OGG1: variants seen among roughly 807,000 people sequenced by gnomAD.
The protein encoded by OGG1 is N-glycosylase/DNA lyase.
OGG1 carries 35 observed loss-of-function variants against 42.3 expected under a neutral mutation model. The observed-to-expected ratio is 0.83, with a 90% CI of 0.63 to 1.10. The LOEUF (loss-of-function observed/expected upper bound fraction) is 1.10, where lower values mean the gene tolerates loss of function less well. Among genes scored for constraint, OGG1 ranks in the 50% least tolerant of loss-of-function variants. OGG1 has a pLI of 0.00. For synonymous variants in OGG1, 189 were observed against 179.0 expected (o/e 1.06, Z -0.44); for missense variants, 484 against 446.7 (o/e 1.08, Z -0.75).
intron 2 of OGG1, among the ~76,000 whole-genome samples, chr3:9,775,639 C>T (rs1004186724): frequency 6.6e-6 from 1 of 151,508 alleles, no homozygotes; most frequent in Non-Finnish European, 1.5e-5. Flanking sequence ...GCCCCATACC[C>T]AGAGGTTTTT....
At chr3:9,760,157 T>C (rs1214179501), downstream of OGG1, 7 of 201,390 alleles carry the variant, frequency 3.5e-5, no homozygotes. Flanking sequence ...GGCAGAGAAT[T>C]GCTCGAACCC....
chr3:9,782,992 T>C (rs2125618282), intron 3 of OGG1: 1 of 152,290 alleles, frequency 6.6e-6, no homozygotes, highest in African/African-American at 2.4e-5. Flanking sequence ...ACAAGATGGA[T>C]GGGAGTTGAC....
chr3:9,789,829 C>T (rs926691443), downstream of OGG1: 15 of 1,614,132 alleles, frequency 9.3e-6, no homozygotes, highest in African/African-American at 1.3e-5. Context: ...GGCCAGGGCC[C>T]GGCCCATGTC....
intron 3 of OGG1, chr3:9,785,304 G>C: frequency 1.2e-6 from 2 of 1,605,438 alleles, no homozygotes; most frequent in Non-Finnish European, 8.5e-7. Context: ...TTGTGGATAG[G>C]ACACCACTCA....
At chr3:9,787,592 C>A in intron 3 of OGG1, 3 of 1,066,650 alleles carry the variant, frequency 2.8e-6, no homozygotes, top group Non-Finnish European at 3.9e-6. Context: ...ATAGAAGGTG[C>A]AGAATACGTA....
intron 7 of OGG1, among the ~76,000 whole-genome samples, chr3:9,765,505 T>G (rs763884477): frequency 1.3e-5 from 2 of 152,180 alleles, no homozygotes; most frequent in African/African-American, 2.4e-5. Flanking sequence ...TCTTTACACC[T>G]GATTGAACAG....
intron 3 of OGG1, chr3:9,787,656 A>G (rs2078647431): frequency 1.4e-6 from 2 of 1,384,510 alleles, no homozygotes; most frequent in African/African-American, 2.9e-5. Flanking sequence ...AGGAGCCTTC[A>G]GGTCACGGGT....
intron 2 of OGG1, among the ~76,000 whole-genome samples, chr3:9,779,122 T>C (rs994097265): frequency 6.6e-6 from 1 of 152,172 alleles, no homozygotes; most frequent in Non-Finnish European, 1.5e-5. Flanking sequence ...GAAGAGACGT[T>C]GTCGGTGGTC....
intron 3 of OGG1, among the ~76,000 whole-genome samples, chr3:9,786,219 G>A (rs922058831): frequency 4.6e-5 from 7 of 152,288 alleles, no homozygotes; most frequent in East Asian, 1.9e-4. Flanking sequence ...GATTACAGGC[G>A]TGAGCCACCG....
rs368837023 is a variant in OGG1 at position 9,785,285 on chromosome 3, G to C, written c.383-2443G>C. 1.4e-5 allele frequency: 21 copies of C among 1,551,236 alleles called. No individual in the cohort carries two copies. The African/African-American group carries it at 2.8e-4, about 21-fold the overall frequency. ...GAGAAGCCAACAGAAGCGGGGGCCA[G>C]ACTGTGGGTTGTGGATAGGACACCA... is the stretch of plus-strand genomic sequence containing the variant. On this transcript the variant is annotated intron_variant, in intron 3 of 3. Transcript: ENST00000426518.
At chr3:9,785,025 G>A (rs747332235) in intron 3 of OGG1, among the ~76,000 whole-genome samples, 2 of 152,156 alleles carry the variant, frequency 1.3e-5, no homozygotes, top group African/African-American at 4.8e-5. Flanking sequence ...GCAGCTATAT[G>A]ATTAATAGCC....
rs1281463909 is a variant in OGG1 at position 9,777,051 on chromosome 3, AC to A, written c.295-4459del. On this transcript the variant is annotated intron_variant, in intron 2 of 3. Transcript: ENST00000426518. ...TTCTTTTCAGCAGGAGCCAACTGGGACCCAGAGCACTTGGTGCCCAGAGTAC... is the reference window on the plus strand; with the variant it reads ...TTCTTTTCAGCAGGAGCCAACTGGGACCAGAGCACTTGGTGCCCAGAGTAC... Among the ~76,000 whole-genome samples the A allele has an allele frequency of 2.0e-5, 3 of 152,220 alleles. No homozygotes were observed. The South Asian group carries it at 6.2e-4, about 32-fold the overall frequency.
rs541018931 is a variant in OGG1, at chr3:9,776,711, C to T, written c.295-4802C>T. Among the ~76,000 whole-genome samples, 10 of 152,176 alleles carry T rather than the reference C, an allele frequency of 6.6e-5. No homozygotes were observed. In the East Asian group the frequency reaches 1.5e-3, roughly 24 times the overall value. On this transcript the variant is annotated intron_variant, in intron 2 of 3. Transcript: ENST00000426518. The stretch of plus-strand genomic sequence containing the variant: ...GCCTGCAGTCTTCTTATTGCTCTTG[C>T]GGCCTAGTGTTTTGATTGTCTGTCT...
chr3:9,787,878 T>A (rs1331436914), exon 4 of OGG1: 2 of 409,134 alleles, frequency 4.9e-6, no homozygotes, highest in Non-Finnish European at 4.6e-6. Flanking sequence ...GAAGGGTGAG[T>A]CAAGTCTGTC....
exon 8 of OGG1, chr3:9,766,562 C>T: frequency 1.4e-6 from 1 of 724,132 alleles, no homozygotes; most frequent in South Asian, 2.1e-5. Flanking sequence ...TAACAAAATC[C>T]TCAGGTGATT....
intron 2 of OGG1, chr3:9,780,133 G>A (rs144476615): frequency 4.7e-5 from 21 of 446,224 alleles, no homozygotes; most frequent in East Asian, 2.1e-4. Flanking sequence ...ACCCCATCTC[G>A]GGGACCAAGC....
chr3:9,771,760 C>T (rs1317028000), intron 2 of OGG1, among the ~76,000 whole-genome samples: 1 of 151,798 alleles, frequency 6.6e-6, no homozygotes, highest in Non-Finnish European at 1.5e-5. Context: ...GATGACAACA[C>T]CCCCTGGGTG....
downstream of OGG1, among the ~76,000 whole-genome samples, chr3:9,767,131 C>T (rs1448851670): frequency 6.6e-6 from 1 of 152,180 alleles, no homozygotes; most frequent in African/African-American, 2.4e-5. Context: ...ACCTACCCAT[C>T]CTTCAGTCCC....
downstream of OGG1, chr3:9,761,268 A>T (rs1189296442): frequency 1.0e-5 from 6 of 588,792 alleles, no homozygotes; most frequent in Admixed American, 3.3e-5. Flanking sequence ...TGCTAAATTT[A>T]CCCCAGTGCT....
Sources: allele counts gnomAD v4.1 joint callset (sites outside exome capture counted in the v4.1 genomes callset), GRCh38; gene constraint gnomAD v4.1.1; transcripts MANE v1.5; gene names NCBI Gene and HGNC (gene_info 2026-07-23, HGNC 2026-07-21).